DACH1: variants seen among roughly 807,000 people sequenced by gnomAD.
DACH1 encodes dachshund family transcription factor 1, also known as dachshund homolog 1.
In DACH1, 12 loss-of-function variants were observed where a neutral mutation model predicts 54.2. The ratio of observed to expected loss-of-function variants is 0.22; its 90% CI spans 0.14 to 0.36. The LOEUF (loss-of-function observed/expected upper bound fraction) is 0.36. DACH1 is among the 10% of genes least tolerant of loss of function. The pLI is 1.00. For missense variants in DACH1, 805 were observed against 929.8 expected, an observed-to-expected ratio of 0.87 and a Z score of 1.75; for synonymous variants, 386 against 366.2, an observed-to-expected ratio of 1.05 and a Z score of -0.62.
Position 71,439,096 on chromosome 13 carries a change from G to A in DACH1, c.*1559C>T, listed in dbSNP as rs941976988. On this transcript the variant is annotated 3_prime_UTR_variant, in exon 11 of 11. Coordinates refer to ENST00000613252, the MANE Select transcript of DACH1 (RefSeq NM_080759.6). ...TAATCAAGTAATTAATACCCAATCA[G>A]AACTATATTTAAACATTTTAAGCTA... 6.6e-6 allele frequency: 1 copy of A among 152,322 alleles called. No homozygotes were observed. The highest frequency in any genetic ancestry group is 1.5e-5 in the Non-Finnish European group (1 of 67,878). 9.4% of individuals were successfully genotyped at this position (152,322 alleles called of 1,614,324 possible). A position where few individuals can be genotyped will look rare whatever the true frequency, so the allele number is the denominator to read the frequency against.
intron 7 of DACH1, among the ~76,000 whole-genome samples, chr13:71,486,600 T>A (rs1878522168): frequency 6.6e-6 from 1 of 152,062 alleles, no homozygotes; most frequent in South Asian, 2.1e-4. Context: ...TATGTGTGTG[T>A]ATATATATAT....
Position 71,526,706 on chromosome 13 carries a change from GTATA to G in DACH1, c.1570+30314_1570+30317del, listed in dbSNP as rs36030987. 7.4e-3 allele frequency among the ~76,000 whole-genome samples: 1,067 copies of G among 144,236 alleles called. 11 individuals carry two copies. The highest frequency in any genetic ancestry group is 0.025 in the African/African-American group (985 of 39,548). The allele number at this position is 144,236 out of a possible 152,430, so 94.6% of individuals were successfully genotyped here. A position where few individuals can be genotyped will look rare whatever the true frequency, so the allele number is the denominator to read the frequency against. On this transcript the variant is annotated intron_variant, in intron 6 of 10. Coordinates refer to ENST00000613252, the MANE Select transcript of DACH1 (RefSeq NM_080759.6). ...TGATCATACATACATATGTGTGTGT[GTATA>G]TATATATATATATATAGGTATATAT...
At chr13:71,713,156 T>G (rs1882807652) in intron 1 of DACH1, among the ~76,000 whole-genome samples, 1 of 151,816 alleles carries the variant, frequency 6.6e-6, no homozygotes, top group African/African-American at 2.4e-5. Flanking sequence ...TCCCTGAACT[T>G]TTCTCTTTAA....
At chr13:71,571,519 A>G (rs745581740) in intron 4 of DACH1, among the ~76,000 whole-genome samples, 15 of 152,124 alleles carry the variant, frequency 9.9e-5, no homozygotes, top group Non-Finnish European at 1.9e-4. Flanking sequence ...GGCTGATAAC[A>G]ATGTGGCACT....
intron 1 of DACH1, among the ~76,000 whole-genome samples, chr13:71,745,058 C>T (rs1274267716): frequency 6.6e-6 from 1 of 152,144 alleles, no homozygotes; most frequent in East Asian, 1.9e-4. Context: ...TTACAGATTG[C>T]TGTGAAAATC....
At chr13:71,513,884 G>A (rs1367749572) in intron 6 of DACH1, among the ~76,000 whole-genome samples, 1 of 152,014 alleles carries the variant, frequency 6.6e-6, no homozygotes, top group Non-Finnish European at 1.5e-5. Context: ...TCCATAGGCT[G>A]CCCAGGCCCC....
intron 6 of DACH1, among the ~76,000 whole-genome samples, chr13:71,528,355 T>C (rs1281635722): frequency 1.3e-5 from 2 of 151,990 alleles, no homozygotes; most frequent in African/African-American, 4.8e-5. Flanking sequence ...AACTATGGAA[T>C]ATATGTTTTC....
intron 3 of DACH1, among the ~76,000 whole-genome samples, chr13:71,610,329 T>G (rs1165307940): frequency 2.0e-5 from 3 of 152,216 alleles, no homozygotes; most frequent in African/African-American, 7.2e-5. Flanking sequence ...AACAGAATTC[T>G]ACTGTCATAC....
At chr13:71,489,849 A>T (rs1477695412) in intron 6 of DACH1, among the ~76,000 whole-genome samples, 1 of 152,150 alleles carries the variant, frequency 6.6e-6, no homozygotes, top group Non-Finnish European at 1.5e-5. Context: ...CTATAACAAC[A>T]TTCAGGGAAT....
intron 1 of DACH1, among the ~76,000 whole-genome samples, chr13:71,810,384 C>T (rs1364002225): frequency 6.6e-6 from 1 of 152,060 alleles, no homozygotes; most frequent in Admixed American, 6.6e-5. Flanking sequence ...TATGGAACTA[C>T]AATTTGTAAA....
chr13:71,661,822 G>A (rs1325085189), intron 2 of DACH1, among the ~76,000 whole-genome samples: 1 of 151,776 alleles, frequency 6.6e-6, no homozygotes, highest in East Asian at 1.9e-4. Context: ...GTTTCTCAGT[G>A]GGCTCATATT....
intron 1 of DACH1, among the ~76,000 whole-genome samples, chr13:71,762,554 G>A (rs1377864660): frequency 6.6e-6 from 1 of 151,972 alleles, no homozygotes; most frequent in African/African-American, 2.4e-5. Flanking sequence ...AACACTTGAG[G>A]TCAGGAGTTT....
rs577513206 is a variant in DACH1 at position 71,788,612 on chromosome 13, C to T, written c.848+77310G>A. The stretch of plus-strand genomic sequence containing the variant: ...CCCCCACACACACACCTTCTTCTAC[C>T]GCTATATTAGTTCATAAAATGTAAA... On this transcript the variant is annotated intron_variant, in intron 1 of 10. Transcript: ENST00000613252. 1.2e-3 allele frequency among the ~76,000 whole-genome samples: 182 copies of T among 151,952 alleles called. 1 individual carries two copies. Among genetic ancestry groups the T allele is most frequent in the African/African-American group, 3.9e-3 (163 of 41,492 alleles).
At chr13:71,649,210 A>C (rs1281466838) in intron 2 of DACH1, among the ~76,000 whole-genome samples, 1 of 152,146 alleles carries the variant, frequency 6.6e-6, no homozygotes, top group Non-Finnish European at 1.5e-5. Flanking sequence ...GCAATAAGCC[A>C]TACGTATAGC....
chr13:71,458,009 T>C (rs147858340), intron 10 of DACH1, among the ~76,000 whole-genome samples: 29 of 152,096 alleles, frequency 1.9e-4, no homozygotes, highest in Admixed American at 1.6e-3. Flanking sequence ...TTTTGCATTT[T>C]CTTAGTACTA....
intron 1 of DACH1, among the ~76,000 whole-genome samples, chr13:71,714,750 C>G (rs1166777980): frequency 6.6e-6 from 1 of 151,826 alleles, no homozygotes; most frequent in South Asian, 2.1e-4. Context: ...TTTAAAGAAA[C>G]CTATCAATGT....
At chr13:71,487,527 G>A (rs1878638596) in intron 7 of DACH1, among the ~76,000 whole-genome samples, 1 of 152,080 alleles carries the variant, frequency 6.6e-6, no homozygotes, top group Non-Finnish European at 1.5e-5. Flanking sequence ...CAAACTGAGA[G>A]GATTTGACTT....
intron 3 of DACH1, among the ~76,000 whole-genome samples, chr13:71,622,858 G>A (rs1407989005): frequency 1.3e-5 from 2 of 151,434 alleles, no homozygotes; most frequent in African/African-American, 4.8e-5. Context: ...CTATTATCTA[G>A]TCATTAGTTA....
chr13:71,602,688 C>T (rs1874584842), intron 3 of DACH1, among the ~76,000 whole-genome samples: 2 of 152,076 alleles, frequency 1.3e-5, no homozygotes, highest in South Asian at 2.1e-4. Flanking sequence ...CTAATCAAGG[C>T]TGTTTTAGAC....
Sources: gnomAD v4.1 joint callset for allele counts (sites outside exome capture counted in the v4.1 genomes callset) on GRCh38, gnomAD v4.1.1 for gene constraint, MANE v1.5 for transcripts, NCBI Gene and HGNC (gene_info 2026-07-23, HGNC 2026-07-21) for gene names.